The following SPATA17 variants were observed in gnomAD, a reference collection of about 807,000 sequenced individuals.
SPATA17 encodes the protein spermatogenesis associated 17.
A neutral mutation model predicts 62.2 loss-of-function variants in SPATA17; 53 were observed. The ratio of observed to expected loss-of-function variants is 0.85; its 90% confidence interval spans 0.68 to 1.07. The LOEUF is 1.07. Ranked by LOEUF, SPATA17 falls within the 50% of genes least tolerant of loss-of-function variation. The pLI is 0.00. For synonymous variants in SPATA17, 146 were observed against 146.8 expected, an observed-to-expected ratio of 0.99 and a Z score of 0.04; for missense variants, 466 against 425.5, an observed-to-expected ratio of 1.10 and a Z score of -0.84.
intron 9 of SPATA17, among the ~76,000 whole-genome samples, chr1:217,817,728 A>C (rs1351605743): frequency 6.6e-6 from 1 of 152,086 alleles, no homozygotes; most frequent in Non-Finnish European, 1.5e-5. Context: ...AATGGGCTAT[A>C]TTACGTAAGT....
chr1:217,863,653 T>A (rs1558081535), intron 10 of SPATA17, among the ~76,000 whole-genome samples: 4 of 152,096 alleles, frequency 2.6e-5, no homozygotes, highest in Non-Finnish European at 1.5e-5. Flanking sequence ...TATATAAGAA[T>A]AAAGAGAACC....
chr1:217,743,680 G>A (rs984170780), intron 6 of SPATA17, among the ~76,000 whole-genome samples: 14 of 151,876 alleles, frequency 9.2e-5, no homozygotes, highest in Admixed American at 9.2e-4. Context: ...CGTGATCTTG[G>A]CTCACTGCAA....
chr1:217,735,268 G>A (rs1018374080), intron 5 of SPATA17, among the ~76,000 whole-genome samples: 3 of 152,160 alleles, frequency 2.0e-5, no homozygotes, highest in Non-Finnish European at 4.4e-5. Context: ...CTGGAGACTG[G>A]AAAATCCAAG....
chr1:217,768,152 G>T (rs1673348186), intron 6 of SPATA17, among the ~76,000 whole-genome samples: 1 of 152,088 alleles, frequency 6.6e-6, no homozygotes, highest in Non-Finnish European at 1.5e-5. Flanking sequence ...GACTGAGGCA[G>T]GGTAATCACT....
intron 5 of SPATA17, among the ~76,000 whole-genome samples, chr1:217,699,311 A>G (rs1671537464): frequency 6.6e-6 from 1 of 152,176 alleles, no homozygotes; most frequent in South Asian, 2.1e-4. Flanking sequence ...GTACCATTTT[A>G]CATTCCCACC....
intron 9 of SPATA17, among the ~76,000 whole-genome samples, chr1:217,855,597 A>G (rs749122945): frequency 3.9e-4 from 60 of 152,168 alleles, no homozygotes; most frequent in Admixed American, 8.5e-4. Context: ...ACTGAATACA[A>G]TGAACTGGTC....
intron 5 of SPATA17, among the ~76,000 whole-genome samples, chr1:217,706,299 G>A (rs1458918024): frequency 1.3e-5 from 2 of 152,144 alleles, no homozygotes; most frequent in Non-Finnish European, 2.9e-5. Context: ...TTTGGGCAGT[G>A]TGGCCATTTT....
intron 5 of SPATA17, among the ~76,000 whole-genome samples, chr1:217,734,827 C>T (rs886095052): frequency 6.6e-6 from 1 of 152,110 alleles, no homozygotes; most frequent in Non-Finnish European, 1.5e-5. Context: ...TCATAGACCA[C>T]CTCAGGGTTC....
chr1:217,804,531 T>G (rs1389568385), intron 9 of SPATA17, among the ~76,000 whole-genome samples: 4 of 151,880 alleles, frequency 2.6e-5, no homozygotes, highest in Non-Finnish European at 4.4e-5. Context: ...AAAGCAAAAA[T>G]AGACAAATAG....
chr1:217,813,456 C>T (rs1674643205), intron 9 of SPATA17, among the ~76,000 whole-genome samples: 1 of 152,120 alleles, frequency 6.6e-6, no homozygotes, highest in African/African-American at 2.4e-5. Flanking sequence ...AACAGACCAG[C>T]TTCATATAAT....
chr1:217,773,086 G>T (rs980800392), intron 6 of SPATA17, among the ~76,000 whole-genome samples: 45 of 152,142 alleles, frequency 3.0e-4, no homozygotes, highest in African/African-American at 1.1e-3. Context: ...TTGCATTTGG[G>T]ATAGGACGTT....
At chr1:217,748,176 G>T (rs1043792373) in intron 6 of SPATA17, among the ~76,000 whole-genome samples, 1 of 151,544 alleles carries the variant, frequency 6.6e-6, no homozygotes, top group African/African-American at 2.4e-5. Context: ...GGTGGCGAGC[G>T]CCTGTAGTCC....
At chr1:217,830,081 TA>T (rs1186271428) in intron 9 of SPATA17, among the ~76,000 whole-genome samples, 2 of 152,148 alleles carry the variant, frequency 1.3e-5, no homozygotes, top group African/African-American at 2.4e-5. Flanking sequence ...TATTGATATT[TA>T]AATCTATAAA....
chr1:217,821,614 G>A (rs766220818), intron 9 of SPATA17, among the ~76,000 whole-genome samples: 6 of 151,608 alleles, frequency 4.0e-5, no homozygotes, highest in Non-Finnish European at 7.4e-5. Context: ...ATAAAAATTC[G>A]AATAAGTTTG....
At chr1:217,689,723 T>C (rs1003228850) in intron 5 of SPATA17, among the ~76,000 whole-genome samples, 2 of 152,110 alleles carry the variant, frequency 1.3e-5, no homozygotes, top group African/African-American at 4.8e-5. Context: ...GTAGCTTTTC[T>C]CTCTATTTCT....
rs148063519 is a variant in SPATA17 at position 217,830,668 on chromosome 1, A to C, written c.1005+28818A>C. On this transcript the variant is annotated intron_variant, in intron 9 of 10. Coordinates refer to ENST00000366933, the MANE Select transcript of SPATA17 (RefSeq NM_138796.4). ...ATATTTATTCTTAGAAGAGCCTGGAAGCCATACTTCCAGGCCATACTTCCA... is the reference window on the plus strand; with the variant it reads ...ATATTTATTCTTAGAAGAGCCTGGACGCCATACTTCCAGGCCATACTTCCA... Among the ~76,000 whole-genome samples, 168 of 152,268 alleles carry C rather than the reference A, an allele frequency of 1.1e-3. 4 individuals are homozygous for C. The East Asian group carries it at 0.031, about 28-fold the overall frequency.
chr1:217,789,068 A>C (rs904377881), intron 8 of SPATA17, among the ~76,000 whole-genome samples: 1 of 152,180 alleles, frequency 6.6e-6, no homozygotes, highest in Non-Finnish European at 1.5e-5. Context: ...GAGTTTCCCT[A>C]TGAAGAGGAG....
At chr1:217,796,672 C>T (rs867042435) in intron 8 of SPATA17, among the ~76,000 whole-genome samples, 1 of 152,232 alleles carries the variant, frequency 6.6e-6, no homozygotes, top group Middle Eastern at 3.4e-3. Context: ...TATGGTTTGT[C>T]CTCAACCATA....
chr1:217,662,728 C>G (rs928792488), intron 3 of SPATA17, among the ~76,000 whole-genome samples: 1 of 152,118 alleles, frequency 6.6e-6, no homozygotes, highest in African/African-American at 2.4e-5. Context: ...ATACCAGTCA[C>G]TAGTTTTAAA....
Sources: allele counts gnomAD v4.1 joint callset (sites outside exome capture counted in the v4.1 genomes callset), GRCh38; gene constraint gnomAD v4.1.1; transcripts MANE v1.5; gene names NCBI Gene and HGNC (gene_info 2026-07-23, HGNC 2026-07-21).